MTMR3: variants seen among roughly 807,000 people sequenced by gnomAD.
MTMR3 encodes myotubularin related protein 3.
Under a neutral mutation model 132.4 loss-of-function variants are expected in MTMR3, and 32 were observed. The observed-to-expected ratio is 0.24, with a 90% confidence interval of 0.18 to 0.32. MTMR3 has a LOEUF of 0.32. MTMR3 is among the 10% of genes least tolerant of loss of function. MTMR3 has a pLI of 1.00. For synonymous variants in MTMR3, 556 were observed against 550.3 expected (o/e 1.01, Z -0.14); for missense variants, 1,216 against 1,489.6 (o/e 0.82, Z 3.02).
At chr22:29,924,147 A>G (rs1311156035) in intron 1 of MTMR3, among the ~76,000 whole-genome samples, 2 of 152,140 alleles carry the variant, frequency 1.3e-5, no homozygotes, top group African/African-American at 2.4e-5. Context: ...TTCTTCTAAG[A>G]GTCTTACAGT....
At position 30,012,353 on chromosome 22, in the gene MTMR3, C is replaced by T. The variant is rs1453273734; in HGVS notation, c.1122-15C>T. 3 of 1,609,242 alleles carry T rather than the reference C, an allele frequency of 1.9e-6. No individual in the cohort carries two copies. The highest frequency in any genetic ancestry group is 2.5e-6 in the Non-Finnish European group (3 of 1,178,266). On this transcript the variant is annotated splice_polypyrimidine_tract_variant and intron_variant, in intron 12 of 19. Transcript: ENST00000401950. ...AAAAAAATCAGCATTTTCTAATCCTCTCCTGTTTTTATAGTTGGCTATCAG... is the reference window on the plus strand; with the variant it reads ...AAAAAAATCAGCATTTTCTAATCCTTTCCTGTTTTTATAGTTGGCTATCAG...
chr22:30,019,475 T>G lies in MTMR3; in HGVS notation c.1821-5T>G. On this transcript the variant is annotated splice_region_variant and splice_polypyrimidine_tract_variant and intron_variant, in intron 16 of 19. Coordinates refer to ENST00000401950, the MANE Select transcript of MTMR3 (RefSeq NM_021090.4). Reference sequence around the variant, plus strand: ...TTTCATTTCCCCCAAATTCCTTTCCTTTAGGCTACCAAAGACTAGATCATA... The same window carrying G: ...TTTCATTTCCCCCAAATTCCTTTCCGTTAGGCTACCAAAGACTAGATCATA... 1 of 1,591,412 alleles carries G rather than the reference T, an allele frequency of 6.3e-7. No homozygotes were observed. Among genetic ancestry groups the G allele is most frequent in the Non-Finnish European group, 8.5e-7 (1 of 1,171,850 alleles).
intron 1 of MTMR3, among the ~76,000 whole-genome samples, chr22:29,911,685 T>C (rs1850123439): frequency 6.6e-6 from 1 of 152,172 alleles, no homozygotes; most frequent in African/African-American, 2.4e-5. Context: ...AAAAATAGTT[T>C]GGACTTTAAT....
At chr22:29,961,852 A>G (rs1365744652) in intron 2 of MTMR3, among the ~76,000 whole-genome samples, 1 of 152,156 alleles carries the variant, frequency 6.6e-6, no homozygotes, top group African/African-American at 2.4e-5. Context: ...TTTTTACTGT[A>G]TCTTCTCTGT....
intron 19 of MTMR3, chr22:30,023,684 T>A: frequency 1.6e-6 from 1 of 611,724 alleles, no homozygotes; most frequent in East Asian, 2.9e-5. Context: ...AGCCATGTGC[T>A]CCCCTCCTGA....
chr22:29,998,355 TACAC>T (rs2067103342), intron 7 of MTMR3: 2 of 152,624 alleles, frequency 1.3e-5, no homozygotes, highest in South Asian at 4.1e-4. Flanking sequence ...CCTTTAAAAA[TACAC>T]AGGCTGGGCG....
intron 5 of MTMR3, chr22:29,985,822 A>G (rs1442925346): frequency 6.6e-6 from 1 of 152,236 alleles, no homozygotes; most frequent in Non-Finnish European, 1.5e-5. Flanking sequence ...AAATATAGAA[A>G]AAAATATGTA....
At chr22:29,971,761 A>G (rs2066541001) in intron 3 of MTMR3, among the ~76,000 whole-genome samples, 1 of 152,054 alleles carries the variant, frequency 6.6e-6, no homozygotes, top group East Asian at 1.9e-4. Context: ...GCCCAGCTCA[A>G]GCAGAGAAGA....
intron 1 of MTMR3, among the ~76,000 whole-genome samples, chr22:29,949,562 C>G (rs2066033930): frequency 6.8e-6 from 1 of 146,310 alleles, no homozygotes; most frequent in Non-Finnish European, 1.5e-5. Flanking sequence ...CACACACATT[C>G]CACATTTCTG....
At chr22:29,943,179 T>C (rs904987139) in intron 1 of MTMR3, among the ~76,000 whole-genome samples, 1 of 151,948 alleles carries the variant, frequency 6.6e-6, no homozygotes, top group Non-Finnish European at 1.5e-5. Flanking sequence ...GCAACAATGA[T>C]GTGTGTATTT....
chr22:29,958,446 C>T (rs2066243466), intron 2 of MTMR3, among the ~76,000 whole-genome samples: 3 of 152,122 alleles, frequency 2.0e-5, no homozygotes, highest in African/African-American at 7.2e-5. Context: ...AGCTTGTCAC[C>T]TGTTTTCTCT....
At position 29,971,836 on chromosome 22, in the gene MTMR3, A is replaced by T. The variant is rs16988142; in HGVS notation, c.3+774A>T. On this transcript the variant is annotated intron_variant, in intron 3 of 19. Transcript: ENST00000401950. ...AAATGTAAACAGTGCTTCAAGGCTT[A>T]AAAAAGAAATGGTCCTCTGTAATAT... Among the ~76,000 whole-genome samples, 354 of 152,334 alleles carry T rather than the reference A, an allele frequency of 2.3e-3. 12 individuals are homozygous for T. In the East Asian group the frequency reaches 0.055, roughly 23 times the overall value.
chr22:29,918,497 C>T (rs1258418892), intron 1 of MTMR3, among the ~76,000 whole-genome samples: 1 of 152,124 alleles, frequency 6.6e-6, no homozygotes, highest in East Asian at 1.9e-4. Context: ...CTTTGTGAGA[C>T]TTAGGCTTAT....
Position 30,019,676 on chromosome 22 carries a change from C to G in MTMR3, c.2017C>G (p.Pro673Ala), listed in dbSNP as rs149343723. 2,634 of 1,614,186 alleles carry G rather than the reference C, an allele frequency of 1.6e-3. 2 individuals carry two copies. The highest frequency in any genetic ancestry group is 2.0e-3 in the Non-Finnish European group (2,310 of 1,180,034). ...CAGCCTAGGGAAGCCCACCAGAGTGCCGGGGGGTGCCGAGCTTTCTGTTGC... is the reference window on the plus strand; with the variant it reads ...CAGCCTAGGGAAGCCCACCAGAGTGGCGGGGGGTGCCGAGCTTTCTGTTGC... ...ADSLGKPTRV[P>A]GGAELSVAAG... is the part of the protein sequence containing the mutation. Residue 673 changes from proline to alanine, a missense_variant, in exon 17 of 20, where the codon CCG becomes GCG. By Grantham distance (27) the Pro-to-Ala change is conservative. Around this residue, in one of 7 missense-constraint regions of MTMR3, gnomAD observed 852 missense variants for 852.0 expected, o/e 1.00. Transcript: ENST00000401950.
At chr22:30,014,034 C>G (rs916165598) in intron 14 of MTMR3, 1 of 153,918 alleles carries the variant, frequency 6.5e-6, no homozygotes, top group African/African-American at 2.4e-5. Flanking sequence ...GCGTTTCCCT[C>G]TCTACCAGAG....
chr22:30,017,701 C>T (rs1449249015), intron 15 of MTMR3: 1 of 486,246 alleles, frequency 2.1e-6, no homozygotes, highest in Non-Finnish European at 3.6e-6. Flanking sequence ...TTTATATTTT[C>T]ATGCTCTCAA....
At chr22:30,005,043 T>G (rs1307531300) in intron 9 of MTMR3, 1 of 152,242 alleles carries the variant, frequency 6.6e-6, no homozygotes, top group Non-Finnish European at 1.5e-5. Flanking sequence ...TGTAGTGCAG[T>G]TCACAGCTTT....
At chr22:29,964,721 CTCT>C (rs2066380021) in intron 2 of MTMR3, among the ~76,000 whole-genome samples, 1 of 152,146 alleles carries the variant, frequency 6.6e-6, no homozygotes, top group African/African-American at 2.4e-5. Context: ...TCTCCTGGTT[CTCT>C]TCTTTATTCT....
chr22:30,008,165 A>G (rs2067315300), intron 11 of MTMR3, 133 bp downstream of exon 11: 2 of 1,191,320 alleles, frequency 1.7e-6, no homozygotes, highest in Admixed American at 5.2e-5. Context: ...AGAGTGCCAG[A>G]GCTTCTCTTT....
Sources: gnomAD v4.1 joint callset for allele counts (sites outside exome capture counted in the v4.1 genomes callset) on GRCh38, gnomAD v4.1.1 for gene constraint, gnomAD v4.1.1 regional missense constraint, MANE v1.5 for transcripts, NCBI Gene and HGNC (gene_info 2026-07-23, HGNC 2026-07-21) for gene names.